The following ATL1 variants were observed in gnomAD, a reference collection of about 807,000 sequenced individuals.
ATL1 encodes the protein atlastin GTPase 1.
In ATL1, 31 loss-of-function variants were observed where a neutral mutation model predicts 75.5. The ratio of observed to expected loss-of-function variants is 0.41; its 90% confidence interval spans 0.31 to 0.55. The LOEUF is 0.55. Ranked by LOEUF, ATL1 falls within the 20% of genes least tolerant of loss-of-function variation. The pLI, the probability that ATL1 is intolerant of heterozygous loss-of-function variation, is 0.27. For synonymous variants in ATL1, 226 were observed against 233.3 expected (o/e 0.97, Z 0.28); for missense variants, 405 against 662.6 (o/e 0.61, Z 4.27).
chr14:50,597,838 G>C (rs1326393151), intron 6 of ATL1, among the ~76,000 whole-genome samples: 2 of 152,038 alleles, frequency 1.3e-5, no homozygotes, highest in Admixed American at 6.5e-5. Flanking sequence ...GAGACTACAG[G>C]TGCCCGCCAC....
At chr14:50,552,266 C>CAA (rs35523342) in intron 1 of ATL1, among the ~76,000 whole-genome samples, 60 of 150,426 alleles carry the variant, frequency 4.0e-4, no homozygotes, top group Admixed American at 7.3e-4. Context: ...ACAACAGCTG[C>CAA]AAAAAAAAAT....
chr14:50,592,178 G>A (rs1312174628), intron 4 of ATL1, among the ~76,000 whole-genome samples: 4 of 151,384 alleles, frequency 2.6e-5, no homozygotes, highest in African/African-American at 9.7e-5. Context: ...TATTTTTGAG[G>A]TTATTGTGGG....
At chr14:50,600,622 T>A (rs1043096660) in intron 6 of ATL1, among the ~76,000 whole-genome samples, 1 of 152,164 alleles carries the variant, frequency 6.6e-6, no homozygotes, top group Non-Finnish European at 1.5e-5. Flanking sequence ...AGCAAAAAAT[T>A]GCAAAGTAAA....
rs547118424 is a variant in ATL1 at position 50,602,921 on chromosome 14, C to T, written c.630+7289C>T. Among the ~76,000 whole-genome samples the T allele has an allele frequency of 2.0e-5, 3 of 152,164 alleles. No homozygotes were observed. In the South Asian group the frequency reaches 6.2e-4, roughly 32 times the overall value. The stretch of plus-strand genomic sequence containing the variant: ...CTGAATTGGAATCCCTGTGTTTAGA[C>T]CAGGGAATCTGCACTCTCTATGTCA... On this transcript the variant is annotated intron_variant, in intron 6 of 13. Coordinates refer to ENST00000358385, the MANE Select transcript of ATL1 (RefSeq NM_015915.5).
At chr14:50,569,235 CT>C (rs1431652669) in intron 1 of ATL1, among the ~76,000 whole-genome samples, 2 of 151,886 alleles carry the variant, frequency 1.3e-5, no homozygotes, top group African/African-American at 4.8e-5. Flanking sequence ...TGGTGCATGC[CT>C]GTAGCCCCAG....
At chr14:50,598,018 A>G (rs2039237827) in intron 6 of ATL1, among the ~76,000 whole-genome samples, 1 of 152,146 alleles carries the variant, frequency 6.6e-6, no homozygotes, top group Non-Finnish European at 1.5e-5. Flanking sequence ...AAAACCAGCA[A>G]TTACAGCTAG....
chr14:50,595,463 A>C, intron 5 of ATL1, 113 bp from the exon 6 acceptor site: 1 of 932,026 alleles, frequency 1.1e-6, no homozygotes, highest in Non-Finnish European at 1.7e-6. Context: ...TGTTATACCT[A>C]GAGGGAAAAG....
Position 50,630,010 on chromosome 14 carries a change from G to T in ATL1, c.1566+1G>T. On this transcript the variant is annotated splice_donor_variant, in intron 13 of 13. Coordinates refer to ENST00000358385, the MANE Select transcript of ATL1 (RefSeq NM_015915.5). LOFTEE classifies it high-confidence loss of function. ...TTTGCCACAGGGAAGTACAAATGAG[G>T]TAAGTTAAATTTTTTAAAATTCAGA... 2 of 1,593,554 alleles carry T rather than the reference G, an allele frequency of 1.3e-6. No individual in the cohort carries two copies. The highest frequency in any genetic ancestry group is 1.7e-6 in the Non-Finnish European group (2 of 1,166,020).
At chr14:50,609,091 T>C (rs1407359119) in intron 6 of ATL1, among the ~76,000 whole-genome samples, 1 of 152,112 alleles carries the variant, frequency 6.6e-6, no homozygotes, top group African/African-American at 2.4e-5. Context: ...ATTCAAGGAT[T>C]TGACATCCAG....
At chr14:50,581,451 G>T (rs2039053998) in intron 1 of ATL1, among the ~76,000 whole-genome samples, 1 of 151,986 alleles carries the variant, frequency 6.6e-6, no homozygotes, top group Non-Finnish European at 1.5e-5. Flanking sequence ...TTTTCATAAA[G>T]CTATTTTAAT....
Position 50,614,729 on chromosome 14 carries a change from G to A in ATL1, c.862+218G>A, listed in dbSNP as rs549054810. 2.0e-5 allele frequency among the ~76,000 whole-genome samples: 3 copies of A among 152,190 alleles called. No homozygotes were observed. In the East Asian group the frequency reaches 5.8e-4, roughly 29 times the overall value. ...ATGTATACACTGCCTGCAAAAATAGGCCGGATCCTGAGTTCACCCAGAAGG... is the reference window on the plus strand; with the variant it reads ...ATGTATACACTGCCTGCAAAAATAGACCGGATCCTGAGTTCACCCAGAAGG... On this transcript the variant is annotated intron_variant, in intron 8 of 13. Coordinates refer to ENST00000358385, the MANE Select transcript of ATL1 (RefSeq NM_015915.5).
At chr14:50,614,293 T>C (rs2039393980) in intron 7 of ATL1, 80 bp from the exon 8 acceptor site, 1 of 1,465,686 alleles carries the variant, frequency 6.8e-7, no homozygotes, top group African/African-American at 1.4e-5. Flanking sequence ...CAAACAGACA[T>C]AGCAAATATA....
chr14:50,599,019 C>T (rs1445681198), intron 6 of ATL1, among the ~76,000 whole-genome samples: 2 of 147,108 alleles, frequency 1.4e-5, no homozygotes, highest in Non-Finnish European at 3.1e-5. Context: ...GAATATTTTT[C>T]TGAACTGAGG....
intron 1 of ATL1, chr14:50,542,626 G>C (rs1164422828): frequency 6.6e-6 from 1 of 152,142 alleles, no homozygotes. Flanking sequence ...ATGTCCATTG[G>C]ACCTGCCCTT....
In ATL1 at chr14:50,592,779, C is replaced by T. The variant is rs1021777545; in HGVS notation, c.523-1067C>T. On this transcript the variant is annotated intron_variant, in intron 4 of 13. Transcript: ENST00000358385. The stretch of plus-strand genomic sequence containing the variant: ...ACAAAAAATTAGCCGGGCATGGTGG[C>T]AGGCGCCTGTAGTCCCAGCTACTCG... 3.3e-5 allele frequency among the ~76,000 whole-genome samples: 5 copies of T among 151,006 alleles called. No individual in the cohort carries two copies. In the East Asian group the frequency reaches 5.8e-4, roughly 18 times the overall value.
intron 1 of ATL1, among the ~76,000 whole-genome samples, chr14:50,585,160 T>C (rs924240987): frequency 1.3e-5 from 2 of 152,186 alleles, no homozygotes; most frequent in African/African-American, 4.8e-5. Context: ...TATGGATCAA[T>C]AGGATGTTAA....
chr14:50,631,974 G>C, intron 13 of ATL1: 1 of 298,814 alleles, frequency 3.3e-6, no homozygotes, highest in Non-Finnish European at 6.3e-6. Flanking sequence ...ACTGCTCCAA[G>C]AGGTATGCAA....
chr14:50,614,223 C>T, intron 7 of ATL1, 150 bp from the exon 8 acceptor site: 1 of 874,892 alleles, frequency 1.1e-6, no homozygotes, highest in Non-Finnish European at 1.8e-6. Context: ...GCAAACCCAC[C>T]CAAGACTTTC....
chr14:50,619,098 G>T (rs1308756992), intron 8 of ATL1, among the ~76,000 whole-genome samples: 1 of 152,088 alleles, frequency 6.6e-6, no homozygotes, highest in East Asian at 1.9e-4. Flanking sequence ...TGTCGCCCAA[G>T]CTGGAGTGCA....
Sources: allele counts gnomAD v4.1 joint callset (sites outside exome capture counted in the v4.1 genomes callset), GRCh38; gene constraint gnomAD v4.1.1; transcripts MANE v1.5; gene names NCBI Gene and HGNC (gene_info 2026-07-23, HGNC 2026-07-21).